OR4N2: variants seen among roughly 807,000 people sequenced by gnomAD.
OR4N2 encodes olfactory receptor 4N2.
For missense variants in OR4N2, 307 were observed against 377.6 expected (o/e 0.81, Z 1.55); for synonymous variants, 141 against 140.4 (o/e 1.00, Z -0.03).
intron 1 of OR4N2, among the ~76,000 whole-genome samples, chr14:19,817,665 G>A (rs1447165299): frequency 2.6e-5 from 4 of 152,176 alleles, no homozygotes; most frequent in Admixed American, 2.0e-4. Flanking sequence ...TTTTTTGAAG[G>A]GTTTTTTGTG....
At chr14:19,810,163 C>A (rs1879261351) in intron 1 of OR4N2, among the ~76,000 whole-genome samples, 2 of 152,204 alleles carry the variant, frequency 1.3e-5, no homozygotes, top group African/African-American at 4.8e-5. Flanking sequence ...AAAAAACAAT[C>A]TCTTTAAAAA....
At chr14:19,818,072 T>A (rs1879472318) in intron 1 of OR4N2, among the ~76,000 whole-genome samples, 1 of 152,270 alleles carries the variant, frequency 6.6e-6, no homozygotes, top group Admixed American at 6.5e-5. Flanking sequence ...TGATTTCTGT[T>A]CTTTTGCATT....
Position 19,803,779 on chromosome 14 carries a change from A to G in OR4N2, c.-75A>G, listed in dbSNP as rs1879083517. ...TTCAGAATAGTTTCAGAGGAAAGGTACTAGCTCTTCTTTATGCATCTGGTA... is the reference window on the plus strand; with the variant it reads ...TTCAGAATAGTTTCAGAGGAAAGGTGCTAGCTCTTCTTTATGCATCTGGTA... On this transcript the variant is annotated 5_prime_UTR_variant, in exon 1 of 2. Transcript: ENST00000557677. The G allele has an allele frequency of 6.6e-6, 1 of 152,254 alleles. No individual in the cohort carries two copies. Among genetic ancestry groups the G allele is most frequent in the African/African-American group, 2.4e-5 (1 of 41,452 alleles). The allele number at this position is 152,254 out of a possible 1,614,324, so 9.4% of individuals were successfully genotyped here. A position where few individuals can be genotyped will look rare whatever the true frequency, so the allele number is the denominator to read the frequency against.
chr14:19,819,623 G>T (rs1879513307), intron 1 of OR4N2, among the ~76,000 whole-genome samples: 1 of 152,200 alleles, frequency 6.6e-6, no homozygotes, highest in South Asian at 2.1e-4. Context: ...CTTGCATTGG[G>T]TTAGAACATG....
chr14:19,809,274 T>C (rs1226256298), intron 1 of OR4N2, among the ~76,000 whole-genome samples: 9 of 152,188 alleles, frequency 5.9e-5, no homozygotes, highest in South Asian at 4.1e-4. Flanking sequence ...ACCTAGGAAA[T>C]ACTCTTCTCA....
chr14:19,811,043 G>A lies in OR4N2; in HGVS notation c.-10+7199G>A, dbSNP rs138445139. Among the ~76,000 whole-genome samples the A allele has an allele frequency of 2.2e-3, 332 of 152,252 alleles. 1 individual carries two copies. The highest frequency in any genetic ancestry group is 6.8e-3 in the Middle Eastern group (2 of 294). ...TTCCAGGTTCATATGGCTCAACCAG[G>A]GAGTTTTCTAAAATATGTAAGAAAC... On this transcript the variant is annotated intron_variant, in intron 1 of 1. Transcript: ENST00000557677.
At chr14:19,810,726 A>G (rs1879275565) in intron 1 of OR4N2, among the ~76,000 whole-genome samples, 1 of 152,250 alleles carries the variant, frequency 6.6e-6, no homozygotes, top group Non-Finnish European at 1.5e-5. Context: ...GACAAACATT[A>G]GAAAAAATTT....
At chr14:19,815,646 T>A (rs200009186) in intron 1 of OR4N2, among the ~76,000 whole-genome samples, 2 of 121,832 alleles carry the variant, frequency 1.6e-5, no homozygotes, top group Non-Finnish European at 3.7e-5. Context: ...TGATGAGAGG[T>A]TTTTTTTTGT....
Position 19,814,298 on chromosome 14 carries a change from C to T in OR4N2, c.-10+10454C>T, listed in dbSNP as rs140472055. On this transcript the variant is annotated intron_variant, in intron 1 of 1. Coordinates refer to ENST00000557677, the MANE Select transcript of OR4N2 (RefSeq NM_001004723.3). ...AATTACAAATACCAAGATCATGATG[C>T]ATCTTTTCATGCTATGTAGGAGGTC... Among the ~76,000 whole-genome samples the T allele has an allele frequency of 1.0e-2, 1,515 of 152,118 alleles. 6 individuals carry two copies. Among genetic ancestry groups the T allele is most frequent in the African/African-American group, 0.029 (1,215 of 41,448 alleles).
rs1288327401 is a variant in OR4N2, at chr14:19,828,483, T to C, written c.*111T>C. Reference sequence around the variant, plus strand: ...CTGAGTACCTCCCATTTGTCAGGACTATTCTGGGAACTGAAAAAAGAAATT... The same window carrying C: ...CTGAGTACCTCCCATTTGTCAGGACCATTCTGGGAACTGAAAAAAGAAATT... On this transcript the variant is annotated 3_prime_UTR_variant, in exon 2 of 2. Transcript: ENST00000557677. The C allele has an allele frequency of 2.7e-6, 3 of 1,124,148 alleles. No individual in the cohort carries two copies. In the African/African-American group the frequency reaches 4.8e-5, roughly 18 times the overall value. 69.6% of individuals were successfully genotyped at this position (1,124,148 alleles called of 1,614,324 possible).
At chr14:19,825,193 T>G (rs1231525568) in intron 1 of OR4N2, among the ~76,000 whole-genome samples, 1 of 152,266 alleles carries the variant, frequency 6.6e-6, no homozygotes, top group African/African-American at 2.4e-5. Context: ...CATATGTATA[T>G]ATGATGATGT....
chr14:19,812,131 A>G (rs1566463546), intron 1 of OR4N2, among the ~76,000 whole-genome samples: 1 of 152,228 alleles, frequency 6.6e-6, no homozygotes, highest in South Asian at 2.1e-4. Flanking sequence ...AGAATGTGAA[A>G]CAACTATTAA....
intron 1 of OR4N2, among the ~76,000 whole-genome samples, chr14:19,821,445 C>CACAT (rs375097143): frequency 6.6e-6 from 1 of 151,210 alleles, no homozygotes. Context: ...TGAGTCTAGT[C>CACAT]ATATATATAT....
In OR4N2 at chr14:19,830,000, T is replaced by C. The variant is rs1277771975; in HGVS notation, c.*1628T>C. 6.6e-6 allele frequency: 1 copy of C among 152,368 alleles called. No homozygotes were observed. The highest frequency in any genetic ancestry group is 1.5e-5 in the Non-Finnish European group (1 of 68,140). The allele number at this position is 152,368 out of a possible 1,614,324, so 9.4% of individuals were successfully genotyped here. On this transcript the variant is annotated 3_prime_UTR_variant, in exon 2 of 2. Transcript: ENST00000557677. ...TATACAACCTGCATCTGTGATTAAG[T>C]TTCCTTTAACTTCTCCTGAGACTGA...
At chr14:19,813,535 C>T (rs1470784073) in intron 1 of OR4N2, among the ~76,000 whole-genome samples, 1 of 152,214 alleles carries the variant, frequency 6.6e-6, no homozygotes, top group African/African-American at 2.4e-5. Flanking sequence ...TATTTATGGA[C>T]CTTAAAGTGG....
chr14:19,827,309 A>G, intron 1 of OR4N2, 131 bp from the exon 2 acceptor site: 2 of 779,076 alleles, frequency 2.6e-6, no homozygotes, highest in Non-Finnish European at 4.1e-6. Flanking sequence ...TTTCCCCAGA[A>G]TAGGAGAGGG....
Position 19,828,789 on chromosome 14 carries a change from G to A in OR4N2, c.*417G>A, listed in dbSNP as rs1465614397. ...TTGTGGTTATAGTAATCTAGACGGA[G>A]GGCACAGGTAGTGCAAAAACTCAAA... On this transcript the variant is annotated 3_prime_UTR_variant, in exon 2 of 2. Transcript: ENST00000557677. The A allele has an allele frequency of 5.8e-6, 1 of 172,880 alleles. No individual in the cohort carries two copies. The highest frequency in any genetic ancestry group is 1.6e-4 in the East Asian group (1 of 6,390). The allele number at this position is 172,880 out of a possible 1,614,324, so 10.7% of individuals were successfully genotyped here.
At chr14:19,820,568 G>A (rs1159010968) in intron 1 of OR4N2, among the ~76,000 whole-genome samples, 1 of 152,240 alleles carries the variant, frequency 6.6e-6, no homozygotes, top group African/African-American at 2.4e-5. Context: ...CAGGGAGATG[G>A]GACTTTTATC....
At chr14:19,804,556 G>T (rs1487628358) in intron 1 of OR4N2, among the ~76,000 whole-genome samples, 2 of 152,192 alleles carry the variant, frequency 1.3e-5, no homozygotes, top group African/African-American at 4.8e-5. Flanking sequence ...TGTAATCTGA[G>T]AAAGTGTGGT....
Sources: allele counts gnomAD v4.1 joint callset (sites outside exome capture counted in the v4.1 genomes callset), GRCh38; gene constraint gnomAD v4.1.1; transcripts MANE v1.5; gene names NCBI Gene and HGNC (gene_info 2026-07-23, HGNC 2026-07-21).